The following EVC2 variants were observed in gnomAD, a reference collection of about 807,000 sequenced individuals.
EVC2 encodes the protein limbin.
A neutral mutation model predicts 149.3 loss-of-function variants in EVC2; 148 were observed. That is an observed-to-expected ratio of 0.99 (90% CI 0.87 to 1.14). EVC2 has a LOEUF of 1.14. Ranked by LOEUF, EVC2 falls within the 50% of genes most tolerant of loss-of-function variation. EVC2 has a pLI of 0.00. For synonymous variants in EVC2, 776 were observed against 649.9 expected (o/e 1.19, Z -2.95); for missense variants, 1,854 against 1,627.3 (o/e 1.14, Z -2.40).
chr4:5,683,411 T>C (rs1720479518), intron 6 of EVC2, among the ~76,000 whole-genome samples: 2 of 152,194 alleles, frequency 1.3e-5, no homozygotes. Context: ...CTCACTCCAG[T>C]ACATGCATGC....
chr4:5,667,685 G>A (rs1001310422), intron 7 of EVC2, among the ~76,000 whole-genome samples: 1 of 152,204 alleles, frequency 6.6e-6, no homozygotes, highest in Non-Finnish European at 1.5e-5. Flanking sequence ...CACAAAAGAT[G>A]TGCTTAATTC....
At position 5,681,279 on chromosome 4, in the gene EVC2, G is replaced by C. The variant is rs771493745; in HGVS notation, c.851C>G (p.Thr284Arg). Reference protein sequence around the residue: ...RTQLKVLFSITAEENVTVLPH... With the variant: ...RTQLKVLFSIRAEENVTVLPH... The stretch of plus-strand genomic sequence containing the variant: ...TCTTACCGTTACGTTTTCTTCTGCT[G>C]TTATGGAAAAAAGCACTTTCAGCTG... The change falls in exon 7 of 22, where the codon ACA becomes AGA. Residue 284 changes from threonine to arginine, a missense_variant. Physicochemically the swap from Thr to Arg is moderately conservative, Grantham distance 71 (BLOSUM62 -1). Transcript: ENST00000344408. 6.2e-7 allele frequency: 1 copy of C among 1,614,092 alleles called. No homozygotes were observed. Among genetic ancestry groups the C allele is most frequent in the Non-Finnish European group, 8.5e-7 (1 of 1,180,020 alleles).
chr4:5,616,101 G>A (rs1010411761), intron 15 of EVC2, among the ~76,000 whole-genome samples: 1 of 152,172 alleles, frequency 6.6e-6, no homozygotes, highest in African/African-American at 2.4e-5. Context: ...CCAACTCCCA[G>A]GCAGTGATGT....
At chr4:5,676,342 C>G (rs902459273) in intron 7 of EVC2, among the ~76,000 whole-genome samples, 1 of 152,206 alleles carries the variant, frequency 6.6e-6, no homozygotes, top group Non-Finnish European at 1.5e-5. Flanking sequence ...AATGGGGTAG[C>G]TCCCAAATGT....
chr4:5,704,134 G>A (rs1416550604), intron 1 of EVC2, among the ~76,000 whole-genome samples: 1 of 152,130 alleles, frequency 6.6e-6, no homozygotes, highest in Non-Finnish European at 1.5e-5. Flanking sequence ...GGACACTCTG[G>A]CTGCTCTGTT....
rs777897646 is a variant in EVC2 at position 5,576,418 on chromosome 4, G to A, written c.3094C>T (p.Leu1032=). 31 of 1,610,914 alleles carry A rather than the reference G, an allele frequency of 1.9e-5. No homozygotes were observed. Among genetic ancestry groups the A allele is most frequent in the Non-Finnish European group, 2.2e-5 (26 of 1,178,584 alleles). Residue 1032 remains leucine (L), a synonymous_variant, in exon 18 of 22, where the codon CTG becomes TTG. Coordinates refer to ENST00000344408, the MANE Select transcript of EVC2 (RefSeq NM_147127.5). This position sits in a 1 kb window ranked among gnomAD's most constrained non-coding sequence, Gnocchi z 4.5. The stretch of plus-strand genomic sequence containing the variant: ...TGCTGGGCTGCCTCCTGCTGCACCA[G>A]CTGGTCCTCCAGCTTCCTCTCCAAC... ...QELERKLEDQ[L]VQQEAAQQQQ...
At chr4:5,585,123 A>T (rs1380433451) in intron 16 of EVC2, among the ~76,000 whole-genome samples, 5 of 152,068 alleles carry the variant, frequency 3.3e-5, no homozygotes, top group Non-Finnish European at 5.9e-5. Flanking sequence ...TTCTGAAAAC[A>T]CTTCTAAGTC....
At chr4:5,624,553 A>G (rs1447527928) in intron 13 of EVC2, among the ~76,000 whole-genome samples, 1 of 152,248 alleles carries the variant, frequency 6.6e-6, no homozygotes, top group Admixed American at 6.5e-5. Context: ...GCCACTTGTA[A>G]TGTTTATCAA....
At chr4:5,540,560 G>C (rs937316111), downstream of EVC2, among the ~76,000 whole-genome samples, 3 of 152,194 alleles carry the variant, frequency 2.0e-5, no homozygotes, top group African/African-American at 7.2e-5. Flanking sequence ...AAAGAAGTCA[G>C]AGTATATGCT....
At chr4:5,544,403 G>A (rs909009127) in intron 21 of EVC2, among the ~76,000 whole-genome samples, 2 of 152,142 alleles carry the variant, frequency 1.3e-5, no homozygotes, top group African/African-American at 2.4e-5. Flanking sequence ...TTGATTATCC[G>A]TCTCATGCTA....
chr4:5,651,770 C>T (rs1718163339), intron 9 of EVC2, among the ~76,000 whole-genome samples: 1 of 152,236 alleles, frequency 6.6e-6, no homozygotes, highest in African/African-American at 2.4e-5. Context: ...TGTGCACCCA[C>T]CACAATGGGG....
At chr4:5,643,779 G>A (rs1378933446) in intron 9 of EVC2, among the ~76,000 whole-genome samples, 1 of 152,140 alleles carries the variant, frequency 6.6e-6, no homozygotes, top group Non-Finnish European at 1.5e-5. Flanking sequence ...AAATTAGCCA[G>A]GTGTGGTGGC....
intron 9 of EVC2, among the ~76,000 whole-genome samples, chr4:5,647,073 G>A (rs1717775884): frequency 6.6e-6 from 1 of 152,188 alleles, no homozygotes; most frequent in South Asian, 2.1e-4. Flanking sequence ...TGCTTGATAT[G>A]GATTGCATCT....
chr4:5,631,360 T>C (rs939278554), intron 11 of EVC2, among the ~76,000 whole-genome samples: 1 of 152,198 alleles, frequency 6.6e-6, no homozygotes. Flanking sequence ...CCTAAAGTGC[T>C]GGGAGCCACC....
In EVC2 at chr4:5,593,181, C is replaced by G. The variant is rs770785733; in HGVS notation, c.2830-8331G>C. On this transcript the variant is annotated intron_variant, in intron 16 of 21. Coordinates refer to ENST00000344408, the MANE Select transcript of EVC2 (RefSeq NM_147127.5). ...CTTTCCATTATAAATCACCCAGTCT[C>G]GGGTATGTCCTTATAGTAGTGTGAG... 2.0e-5 allele frequency among the ~76,000 whole-genome samples: 3 copies of G among 152,208 alleles called. No homozygotes were observed. In the East Asian group the frequency reaches 5.8e-4, roughly 30 times the overall value.
rs766262993 is a variant in EVC2, at chr4:5,691,352, GT to G, written c.451-20del. The G allele has an allele frequency of 6.3e-7, 1 of 1,592,018 alleles. No homozygotes were observed. The highest frequency in any genetic ancestry group is 8.6e-7 in the Non-Finnish European group (1 of 1,160,916). ...CCCCATACTACAATAAAATGTAAAAGTTATTAGAAAATGAGAAATATTTCAT... is the reference window on the plus strand; with the variant it reads ...CCCCATACTACAATAAAATGTAAAAGTATTAGAAAATGAGAAATATTTCAT... On this transcript the variant is annotated intron_variant, in intron 3 of 21. Transcript: ENST00000344408.
chr4:5,594,145 C>G (rs1464469272), intron 16 of EVC2, among the ~76,000 whole-genome samples: 1 of 152,168 alleles, frequency 6.6e-6, no homozygotes, highest in Non-Finnish European at 1.5e-5. Flanking sequence ...GGGGGCAGGG[C>G]ACAGACAAAC....
At chr4:5,688,161 A>G (rs1307845697) in intron 5 of EVC2, among the ~76,000 whole-genome samples, 2 of 152,194 alleles carry the variant, frequency 1.3e-5, no homozygotes, top group Non-Finnish European at 2.9e-5. Flanking sequence ...GCCAGCAAAA[A>G]GGTCACTACT....
intron 9 of EVC2, among the ~76,000 whole-genome samples, chr4:5,659,008 A>G (rs1718712091): frequency 6.6e-6 from 1 of 152,202 alleles, no homozygotes; most frequent in Non-Finnish European, 1.5e-5. Context: ...CCTGATAAAA[A>G]TCAAAGGAAA....
Sources: allele counts gnomAD v4.1 joint callset (sites outside exome capture counted in the v4.1 genomes callset), GRCh38; gene constraint gnomAD v4.1.1; non-coding constraint Gnocchi (gnomAD v3.1); transcripts MANE v1.5; gene names NCBI Gene and HGNC (gene_info 2026-07-23, HGNC 2026-07-21).